GPR139: variants seen among roughly 807,000 people sequenced by gnomAD.
GPR139 encodes the protein G protein-coupled receptor 139.
A neutral mutation model predicts 25.8 loss-of-function variants in GPR139; 12 were observed. That is an observed-to-expected ratio of 0.47 (90% CI 0.30 to 0.75). The LOEUF (loss-of-function observed/expected upper bound fraction) is 0.75, where lower values mean the gene tolerates loss of function less well. GPR139 is among the 30% of genes least tolerant of loss of function. The pLI is 0.07. For missense variants in GPR139, 380 were observed against 450.2 expected, an observed-to-expected ratio of 0.84 and a Z score of 1.41; for synonymous variants, 184 against 179.9, an observed-to-expected ratio of 1.02 and a Z score of -0.18.
At chr16:20,067,491 C>T (rs748359923) in intron 1 of GPR139, among the ~76,000 whole-genome samples, 6 of 152,280 alleles carry the variant, frequency 3.9e-5, no homozygotes, top group African/African-American at 7.2e-5. Flanking sequence ...CAATTAGGCA[C>T]GCCATTAGAG....
intron 1 of GPR139, among the ~76,000 whole-genome samples, chr16:20,066,323 C>T (rs2057433875): frequency 6.6e-6 from 1 of 152,198 alleles, no homozygotes; most frequent in South Asian, 2.1e-4. Flanking sequence ...GACAACCTTG[C>T]TGGTGGTGTT....
chr16:20,058,155 A>G (rs2057397807), intron 1 of GPR139, among the ~76,000 whole-genome samples: 1 of 152,198 alleles, frequency 6.6e-6, no homozygotes, highest in South Asian at 2.1e-4. Context: ...CTTCAATAAG[A>G]TGGGCACTCA....
chr16:20,059,229 G>A (rs2057402066), intron 1 of GPR139, among the ~76,000 whole-genome samples: 1 of 152,092 alleles, frequency 6.6e-6, no homozygotes, highest in South Asian at 2.1e-4. Context: ...GAGACTTTTG[G>A]AAAACCCAAA....
intron 1 of GPR139, among the ~76,000 whole-genome samples, chr16:20,060,283 A>C (rs1449029613): frequency 6.6e-6 from 1 of 151,076 alleles, no homozygotes; most frequent in African/African-American, 2.4e-5. Context: ...GCATGTGTGC[A>C]TCTGTGTGTC....
chr16:20,072,798 G>T (rs555220288), intron 1 of GPR139, among the ~76,000 whole-genome samples: 107 of 152,302 alleles, frequency 7.0e-4, no homozygotes, highest in African/African-American at 2.5e-3. Flanking sequence ...AGGGGGCCAG[G>T]CATGTCCTCA....
chr16:20,032,004 T>C lies in GPR139; in HGVS notation c.793A>G (p.Ile265Val). ...APIQNRWLVH[I>V]MSDIANMLAL... The stretch of plus-strand genomic sequence containing the variant: ...AGCATGTTGGCAATGTCGGACATGA[T>C]GTGTACCAGCCAGCGGTTCTGGATG... The change falls in exon 2 of 2, where the codon ATC (isoleucine) becomes GTC (valine). Residue 265 changes from isoleucine (I) to valine (V), a missense_variant. Transcript: ENST00000570682. 1.9e-6 allele frequency: 3 copies of C among 1,614,176 alleles called. No individual in the cohort carries two copies. Among genetic ancestry groups the C allele is most frequent in the Non-Finnish European group, 2.5e-6 (3 of 1,180,038 alleles).
intron 1 of GPR139, among the ~76,000 whole-genome samples, chr16:20,066,414 G>A (rs1596471848): frequency 6.6e-6 from 1 of 152,214 alleles, no homozygotes; most frequent in Non-Finnish European, 1.5e-5. Flanking sequence ...CTGAATCACA[G>A]GCAACTCTTT....
intron 1 of GPR139, chr16:20,070,894 T>G (rs2057457264): frequency 2.2e-5 from 21 of 958,014 alleles, no homozygotes; most frequent in Non-Finnish European, 2.5e-5. Flanking sequence ...ACCACTGTGG[T>G]GAGCTCAACA....
In GPR139 at chr16:20,031,821, AG is replaced by A; in HGVS notation, c.975del (p.Trp326GlyfsTer24). On this transcript the variant is annotated frameshift_variant, in exon 2 of 2. Transcript: ENST00000570682. LOFTEE classifies it high-confidence loss of function. ...TNHNFSITSS[P>X]WISPANSHCI... ...CAGTGTGAGTTTGCCGGCGAGATCC[AG>A]GGGCTACTTGTTATGGAAAAGTTAT... The A allele has an allele frequency of 6.2e-7, 1 of 1,614,212 alleles. No individual in the cohort carries two copies. Among genetic ancestry groups the A allele is most frequent in the Non-Finnish European group, 8.5e-7 (1 of 1,180,040 alleles).
chr16:20,067,068 A>G (rs996477403), intron 1 of GPR139, among the ~76,000 whole-genome samples: 4 of 152,196 alleles, frequency 2.6e-5, no homozygotes, highest in African/African-American at 9.7e-5. Flanking sequence ...CACAGCAAAC[A>G]TGGTTTAGAA....
chr16:20,033,482 A>G (rs1043638021), intron 1 of GPR139, among the ~76,000 whole-genome samples: 1 of 152,156 alleles, frequency 6.6e-6, no homozygotes, highest in Non-Finnish European at 1.5e-5. Context: ...GTTCAGTTGC[A>G]TGAAGAATAT....
chr16:20,038,329 ATGTGTGTG>A lies in GPR139; in HGVS notation c.128-5668_128-5661del, dbSNP rs1555465698. ...GTTTAAGTTCCTGGATAATATATATATGTGTGTGTGTGTGTGTGTGTGTGTGTGTGTGT... is the reference window on the plus strand; with the variant it reads ...GTTTAAGTTCCTGGATAATATATATATGTGTGTGTGTGTGTGTGTGTGTGT... On this transcript the variant is annotated intron_variant, in intron 1 of 1. Transcript: ENST00000570682. Among the ~76,000 whole-genome samples the A allele has an allele frequency of 4.9e-3, 473 of 95,952 alleles. 2 individuals carry two copies. The highest frequency in any genetic ancestry group is 7.5e-3 in the Non-Finnish European group (293 of 39,104). 62.9% of individuals were successfully genotyped at this position (95,952 alleles called of 152,430 possible).
chr16:20,044,783 T>G (rs2057348198), intron 1 of GPR139, among the ~76,000 whole-genome samples: 1 of 152,130 alleles, frequency 6.6e-6, no homozygotes, highest in Admixed American at 6.5e-5. Context: ...ACTAGTAAAG[T>G]AGGTGCTATT....
At chr16:20,045,705 G>A (rs2057352119) in intron 1 of GPR139, among the ~76,000 whole-genome samples, 1 of 152,152 alleles carries the variant, frequency 6.6e-6, no homozygotes, top group Admixed American at 6.5e-5. Context: ...GTGGGGATAA[G>A]GAGATCTGGG....
intron 1 of GPR139, among the ~76,000 whole-genome samples, chr16:20,054,531 A>G (rs903957224): frequency 6.6e-6 from 1 of 152,332 alleles, no homozygotes; most frequent in African/African-American, 2.4e-5. Context: ...CGTATCAGTA[A>G]TGGCTAGTTA....
intron 1 of GPR139, among the ~76,000 whole-genome samples, chr16:20,063,033 T>C (rs958959132): frequency 1.3e-5 from 2 of 152,254 alleles, no homozygotes; most frequent in African/African-American, 4.8e-5. Context: ...ACAGTTATTT[T>C]CTACTAACTG....
At chr16:20,044,408 A>G (rs1270503545) in intron 1 of GPR139, among the ~76,000 whole-genome samples, 2 of 152,176 alleles carry the variant, frequency 1.3e-5, no homozygotes, top group African/African-American at 4.8e-5. Context: ...CTTCCTTCTT[A>G]AGACCTCAGT....
At chr16:20,054,829 G>A (rs1000967075) in intron 1 of GPR139, among the ~76,000 whole-genome samples, 3 of 152,130 alleles carry the variant, frequency 2.0e-5, no homozygotes, top group Non-Finnish European at 4.4e-5. Flanking sequence ...CCAGGTTCCA[G>A]TGATTCTCGT....
chr16:20,028,961 T>C lies in GPR139; in HGVS notation c.*2774A>G, dbSNP rs2057277382. Reference sequence around the variant, plus strand: ...CCTGAAAGAAAAGGCTTACAAGTTTTTAAAGTTTTAAAGTTAAAAAAAACC... The same window carrying C: ...CCTGAAAGAAAAGGCTTACAAGTTTCTAAAGTTTTAAAGTTAAAAAAAACC... On this transcript the variant is annotated 3_prime_UTR_variant, in exon 2 of 2. Coordinates refer to ENST00000570682, the MANE Select transcript of GPR139 (RefSeq NM_001002911.4). 6.6e-6 allele frequency among the ~76,000 whole-genome samples: 1 copy of C among 152,170 alleles called. No individual in the cohort carries two copies.
Sources: gnomAD v4.1 joint callset for allele counts (sites outside exome capture counted in the v4.1 genomes callset) on GRCh38, gnomAD v4.1.1 for gene constraint, MANE v1.5 for transcripts, NCBI Gene and HGNC (gene_info 2026-07-23, HGNC 2026-07-21) for gene names.